The following GPC3 variants were observed in gnomAD, a reference collection of about 807,000 sequenced individuals.
The protein encoded by GPC3 is glypican 3.
A neutral mutation model predicts 34.4 loss-of-function variants in GPC3; 3 were observed. The ratio of observed to expected loss-of-function variants is 0.09; its 90% CI spans 0.04 to 0.23. The LOEUF is 0.23. Among genes scored for constraint, GPC3 ranks in the 10% least tolerant of loss-of-function variants. GPC3 has a pLI of 1.00. For synonymous variants in GPC3, 177 were observed against 174.0 expected (o/e 1.02, Z -0.13); for missense variants, 351 against 445.6 (o/e 0.79, Z 1.91).
chrX:133,944,381 GGA>G (rs1347586792), intron 2 of GPC3, among the ~76,000 whole-genome samples: 3 of 112,066 alleles, frequency 2.7e-5, no homozygotes, highest in Non-Finnish European at 5.6e-5. Context: ...TCTGACCAAA[GGA>G]GAGGAGTGTC....
chrX:133,536,283 A>C lies in GPC3; in HGVS notation c.1584T>G (p.Tyr528Ter). The C allele has an allele frequency of 8.3e-7, 1 of 1,200,499 alleles. No homozygotes were observed. The highest frequency in any genetic ancestry group is 1.1e-6 in the Non-Finnish European group (1 of 885,316). Residue 528 changes from tyrosine to a stop codon, truncating the protein, a stop_gained, in exon 8 of 8, where the codon TAT (tyrosine) becomes TAG (stop). Coordinates refer to ENST00000370818, the MANE Select transcript of GPC3 (RefSeq NM_004484.4). LOFTEE classifies it high-confidence loss of function. ...CAGGCGCATCATCCACATCCAGATCATAGGCCAGTTCTGTCAATCAAAAGA... is the reference window on the plus strand; with the variant it reads ...CAGGCGCATCATCCACATCCAGATCCTAGGCCAGTTCTGTCAATCAAAAGA... The part of the protein sequence containing the change: ...NQLRFLAELA[Y>*]DLDVDDAPGN...
chrX:133,773,990 A>T (rs1417486110), intron 2 of GPC3, among the ~76,000 whole-genome samples: 1 of 112,330 alleles, frequency 8.9e-6, no homozygotes, highest in Non-Finnish European at 1.9e-5. Flanking sequence ...TCCAGTAACA[A>T]TATAATGTAG....
Position 133,966,771 on chromosome X carries a change from G to C in GPC3, c.176-13560C>G, listed in dbSNP as rs772414331. Among the ~76,000 whole-genome samples, 3 of 112,474 alleles carry C rather than the reference G, an allele frequency of 2.7e-5. No individual in the cohort carries two copies. The South Asian group carries it at 1.1e-3, about 42-fold the overall frequency. On this transcript the variant is annotated intron_variant, in intron 1 of 7. Transcript: ENST00000370818. ...CGAGTGTCTATACTAACGTGCTCTA[G>C]TGCTGTGGCATTTATGCCATCTTGG...
chrX:133,802,551 A>T (rs184867762), intron 2 of GPC3, among the ~76,000 whole-genome samples: 206 of 112,023 alleles, frequency 1.8e-3, no homozygotes, highest in African/African-American at 6.7e-3. Context: ...TCTCTTGTCC[A>T]TCACTCCTCC....
At chrX:133,896,904 A>G (rs1295598908) in intron 2 of GPC3, among the ~76,000 whole-genome samples, 2 of 95,794 alleles carry the variant, frequency 2.1e-5, no homozygotes, top group Non-Finnish European at 4.1e-5. Flanking sequence ...CTACTCTGTG[A>G]CCTTTTTTTT....
intron 2 of GPC3, among the ~76,000 whole-genome samples, chrX:133,888,445 G>A (rs914302684): frequency 1.3e-4 from 14 of 111,525 alleles, no homozygotes; most frequent in East Asian, 2.8e-4. Context: ...GCCCAGTAAC[G>A]GGATTGCTTG....
intron 2 of GPC3, among the ~76,000 whole-genome samples, chrX:133,834,638 C>T (rs1310307583): frequency 8.9e-6 from 1 of 111,949 alleles, no homozygotes; most frequent in East Asian, 2.8e-4. Flanking sequence ...AGTTCTATTT[C>T]CATATTTTAA....
intron 2 of GPC3, among the ~76,000 whole-genome samples, chrX:133,863,140 T>C (rs1045892536): frequency 8.9e-6 from 1 of 112,610 alleles, no homozygotes; most frequent in African/African-American, 3.2e-5. Flanking sequence ...TGGTCTCATG[T>C]AGAAAATGAC....
intron 3 of GPC3, among the ~76,000 whole-genome samples, chrX:133,748,049 G>A (rs1052950122): frequency 8.9e-6 from 1 of 111,985 alleles, no homozygotes; most frequent in African/African-American, 3.2e-5. Context: ...AGTTATTTTG[G>A]GGATTAAAGG....
chrX:133,746,120 T>C (rs917825112), intron 3 of GPC3, among the ~76,000 whole-genome samples: 1 of 112,460 alleles, frequency 8.9e-6, no homozygotes, highest in East Asian at 2.8e-4. Context: ...GCTGCTGCTA[T>C]TGCTGTAAGC....
At chrX:133,716,624 A>C (rs933117292) in intron 3 of GPC3, among the ~76,000 whole-genome samples, 2 of 112,141 alleles carry the variant, frequency 1.8e-5, no homozygotes, top group African/African-American at 6.5e-5. Context: ...AAATTTTCCT[A>C]TCTGAGGAAG....
intron 2 of GPC3, among the ~76,000 whole-genome samples, chrX:133,761,982 T>A (rs2071796644): frequency 8.9e-6 from 1 of 112,236 alleles, no homozygotes; most frequent in South Asian, 3.7e-4. Context: ...CTTTGCCTGA[T>A]AGTTCCTATG....
rs1024699318 is a variant in GPC3, at chrX:133,621,339, G to A, written c.1414-24740C>T. ...GGTTGCAGTCCACGGAGCGTGAGCC[G>A]AAGCAGGGCAGGGCATCACCTCACC... On this transcript the variant is annotated intron_variant, in intron 6 of 7. Coordinates refer to ENST00000370818, the MANE Select transcript of GPC3 (RefSeq NM_004484.4). 4.5e-5 allele frequency among the ~76,000 whole-genome samples: 5 copies of A among 111,747 alleles called. No homozygotes were observed. The East Asian group carries it at 1.1e-3, about 25-fold the overall frequency.
At chrX:133,946,987 C>T (rs1446812840) in intron 2 of GPC3, among the ~76,000 whole-genome samples, 4 of 111,570 alleles carry the variant, frequency 3.6e-5, no homozygotes, top group Non-Finnish European at 7.5e-5. Flanking sequence ...TTGTTTCTAC[C>T]TCCACTCTAC....
chrX:133,537,269 A>T (rs1603140297), intron 7 of GPC3, among the ~76,000 whole-genome samples: 1 of 111,856 alleles, frequency 8.9e-6, no homozygotes, highest in East Asian at 2.8e-4. Flanking sequence ...TTGCTATTTC[A>T]ATATCTTGTG....
At chrX:133,880,026 T>C (rs778778523) in intron 2 of GPC3, among the ~76,000 whole-genome samples, 1 of 111,470 alleles carries the variant, frequency 9.0e-6, no homozygotes, top group South Asian at 3.8e-4. Flanking sequence ...GACAGCACTG[T>C]AAAAGGAAGA....
chrX:133,985,244 C>T (rs377055558), intron 1 of GPC3, 31 bp downstream of exon 1: 2 of 1,203,342 alleles, frequency 1.7e-6, no homozygotes, highest in Non-Finnish European at 2.2e-6. Context: ...CCCCGCTGGG[C>T]GCTAGGCACG....
chrX:133,954,900 A>C (rs1403941424), intron 1 of GPC3, among the ~76,000 whole-genome samples: 1 of 109,532 alleles, frequency 9.1e-6, no homozygotes, highest in Non-Finnish European at 1.9e-5. Context: ...GGCATCTGCC[A>C]CCACGCCTGG....
intron 2 of GPC3, among the ~76,000 whole-genome samples, chrX:133,903,479 C>T (rs140254576): frequency 0.015 from 1,642 of 110,327 alleles, 13 homozygotes; most frequent in Middle Eastern, 0.038. Flanking sequence ...GTCCCAGCTA[C>T]TTGGGAGGCT....
Sources: allele counts gnomAD v4.1 joint callset (sites outside exome capture counted in the v4.1 genomes callset), GRCh38; gene constraint gnomAD v4.1.1; transcripts MANE v1.5; gene names NCBI Gene and HGNC (gene_info 2026-07-23, HGNC 2026-07-21).